The following KIAA0513 variants were observed in gnomAD, a reference collection of about 807,000 sequenced individuals.
KIAA0513 encodes KIAA0513, also known as uncharacterized protein KIAA0513.
KIAA0513 carries 39 observed loss-of-function variants against 56.5 expected under a neutral mutation model. That is an observed-to-expected ratio of 0.69 (90% CI 0.53 to 0.90). KIAA0513 has a LOEUF of 0.90. Ranked by LOEUF, KIAA0513 falls within the 40% of genes least tolerant of loss-of-function variation. KIAA0513 has a pLI of 0.00. For missense variants in KIAA0513, 591 were observed against 535.2 expected, an observed-to-expected ratio of 1.10 and a Z score of -1.03; for synonymous variants, 268 against 215.6, an observed-to-expected ratio of 1.24 and a Z score of -2.13.
chr16:85,078,582 C>G (rs1000916972), intron 7 of KIAA0513, 127 bp downstream of exon 7: 12 of 848,656 alleles, frequency 1.4e-5, no homozygotes, highest in Non-Finnish European at 2.2e-5. Context: ...CTGGGTGATG[C>G]CCCAGTTGCT....
intron 1 of KIAA0513, among the ~76,000 whole-genome samples, chr16:85,045,761 C>G (rs1197332441): frequency 6.6e-6 from 1 of 152,228 alleles, no homozygotes; most frequent in Non-Finnish European, 1.5e-5. Flanking sequence ...AGGTTCTGCT[C>G]TGTGCGTTGG....
At chr16:85,042,772 G>A (rs1488234693) in intron 1 of KIAA0513, among the ~76,000 whole-genome samples, 1 of 152,212 alleles carries the variant, frequency 6.6e-6, no homozygotes, top group Non-Finnish European at 1.5e-5. Flanking sequence ...GCAGTGCCGT[G>A]CACAGAGGCA....
Position 85,086,726 on chromosome 16 carries a change from T to G in KIAA0513, c.1091+2T>G. ...GAACATCACCTTCGGGCAGCTGGGG[T>G]AAGGGCCAGAGTGGGAAAGCGGGAG... On this transcript the variant is annotated splice_donor_variant, in intron 11 of 12. Coordinates refer to ENST00000683363, the MANE Select transcript of KIAA0513 (RefSeq NM_001388359.1). LOFTEE classifies it high-confidence loss of function. 6.2e-7 allele frequency: 1 copy of G among 1,610,850 alleles called. No individual in the cohort carries two copies. Among genetic ancestry groups the G allele is most frequent in the African/African-American group, 1.3e-5 (1 of 74,216 alleles).
Position 85,072,913 on chromosome 16 carries a change from C to T in KIAA0513, c.430-12C>T. On this transcript the variant is annotated splice_polypyrimidine_tract_variant and intron_variant, in intron 3 of 12. Transcript: ENST00000683363. ...CTGAACCTCAATGATGTGTCTGCCTCTTTCTGGACAGCGCTGCAACTCCAA... is the reference window on the plus strand; with the variant it reads ...CTGAACCTCAATGATGTGTCTGCCTTTTTCTGGACAGCGCTGCAACTCCAA... 1 of 1,614,066 alleles carries T rather than the reference C, an allele frequency of 6.2e-7. No homozygotes were observed. The highest frequency in any genetic ancestry group is 8.5e-7 in the Non-Finnish European group (1 of 1,179,870).
At chr16:85,041,140 A>G (rs1178035490) in intron 1 of KIAA0513, among the ~76,000 whole-genome samples, 3 of 152,198 alleles carry the variant, frequency 2.0e-5, no homozygotes, top group Non-Finnish European at 2.9e-5. Flanking sequence ...GTTTTGGGGA[A>G]TACTTCCAAA....
chr16:85,068,105 C>T (rs2073516233), intron 2 of KIAA0513, among the ~76,000 whole-genome samples: 1 of 152,182 alleles, frequency 6.6e-6, no homozygotes, highest in South Asian at 2.1e-4. Flanking sequence ...GCCACCGTAC[C>T]CGGCTGAGCT....
chr16:85,079,736 T>C (rs2073714841), intron 8 of KIAA0513: 1 of 152,254 alleles, frequency 6.6e-6, no homozygotes, highest in East Asian at 1.9e-4. Flanking sequence ...ACTCTGTGAA[T>C]ACACTAAAAA....
At chr16:85,061,185 A>G (rs2073399782) in intron 1 of KIAA0513, among the ~76,000 whole-genome samples, 1 of 151,942 alleles carries the variant, frequency 6.6e-6, no homozygotes, top group Non-Finnish European at 1.5e-5. Context: ...GAAAAGTTTC[A>G]GGTAAAAGCC....
At chr16:85,030,331 C>T (rs1200027077) in intron 1 of KIAA0513, among the ~76,000 whole-genome samples, 1 of 152,182 alleles carries the variant, frequency 6.6e-6, no homozygotes, top group Non-Finnish European at 1.5e-5. Flanking sequence ...TTCCTTGTCC[C>T]CCACCCAAAA....
At chr16:85,046,989 TG>T (rs933245051) in intron 1 of KIAA0513, among the ~76,000 whole-genome samples, 21 of 152,352 alleles carry the variant, frequency 1.4e-4, no homozygotes, top group Admixed American at 1.3e-4. Context: ...CTTTGTATGC[TG>T]AGTGGTTCTG....
At chr16:85,043,487 C>T (rs1190539127) in intron 1 of KIAA0513, among the ~76,000 whole-genome samples, 1 of 144,552 alleles carries the variant, frequency 6.9e-6, no homozygotes, top group African/African-American at 2.6e-5. Context: ...TCTAAGCTCA[C>T]TGCAACCTCT....
intron 10 of KIAA0513, among the ~76,000 whole-genome samples, chr16:85,083,695 C>T (rs2049697069): frequency 6.6e-6 from 1 of 152,176 alleles, no homozygotes; most frequent in Non-Finnish European, 1.5e-5. Flanking sequence ...TCGCTTTGAC[C>T]ACCCATAGCT....
chr16:85,065,731 A>G (rs950560528), intron 1 of KIAA0513, among the ~76,000 whole-genome samples: 2 of 152,170 alleles, frequency 1.3e-5, no homozygotes, highest in African/African-American at 4.8e-5. Flanking sequence ...GGCTGTGGTT[A>G]GAGGTGTGCT....
At chr16:85,061,865 A>G (rs921705848) in intron 1 of KIAA0513, among the ~76,000 whole-genome samples, 1 of 152,202 alleles carries the variant, frequency 6.6e-6, no homozygotes, top group Non-Finnish European at 1.5e-5. Context: ...AACCCCCTCC[A>G]GAATACAGAC....
intron 1 of KIAA0513, among the ~76,000 whole-genome samples, chr16:85,035,572 C>A (rs140163512): frequency 0.011 from 1,733 of 152,328 alleles, 35 homozygotes; most frequent in African/African-American, 0.039. Flanking sequence ...CTCACTGCAG[C>A]CTTGATCTCC....
At position 85,067,010 on chromosome 16, in the gene KIAA0513, T is replaced by C; in HGVS notation, c.-62T>C. 1 of 1,435,554 alleles carries C rather than the reference T, an allele frequency of 7.0e-7. No individual in the cohort carries two copies. Among genetic ancestry groups the C allele is most frequent in the Non-Finnish European group, 9.3e-7 (1 of 1,074,718 alleles). The allele number at this position is 1,435,554 out of a possible 1,614,324, so 88.9% of individuals were successfully genotyped here. ...TACTAACGCACCTGGGACACCAGGC[T>C]GCTGGGCTCCCCTCTAGGCAGCCTC... On this transcript the variant is annotated 5_prime_UTR_variant, in exon 2 of 13. Coordinates refer to ENST00000683363, the MANE Select transcript of KIAA0513 (RefSeq NM_001388359.1).
chr16:85,066,007 C>T (rs1396305177), intron 1 of KIAA0513, among the ~76,000 whole-genome samples: 2 of 152,346 alleles, frequency 1.3e-5, no homozygotes, highest in South Asian at 2.1e-4. Flanking sequence ...CTGGGCACAG[C>T]ATGGCTACGG....
intron 1 of KIAA0513, among the ~76,000 whole-genome samples, chr16:85,030,290 C>A (rs191701283): frequency 6.6e-6 from 1 of 152,164 alleles, no homozygotes; most frequent in East Asian, 1.9e-4. Context: ...CAAGAGAGCA[C>A]GCAGTTCTCC....
chr16:85,082,920 C>T (rs2073764146), intron 10 of KIAA0513, among the ~76,000 whole-genome samples: 1 of 152,254 alleles, frequency 6.6e-6, no homozygotes. Context: ...GGAAAGCGGG[C>T]TCCAGTTCTG....
Sources: allele counts gnomAD v4.1 joint callset (sites outside exome capture counted in the v4.1 genomes callset), GRCh38; gene constraint gnomAD v4.1.1; transcripts MANE v1.5; gene names NCBI Gene and HGNC (gene_info 2026-07-23, HGNC 2026-07-21).